DUOX1: variants seen among roughly 807,000 people sequenced by gnomAD.
The protein encoded by DUOX1 is NADPH thyroid oxidase 1.
In DUOX1, 134 loss-of-function variants were observed where a neutral mutation model predicts 181.8. That is an observed-to-expected ratio of 0.74 (90% CI 0.64 to 0.85). The LOEUF (loss-of-function observed/expected upper bound fraction) is 0.85, where lower values mean the gene tolerates loss of function less well. DUOX1 is among the 40% of genes least tolerant of loss of function. The pLI is 0.00. For synonymous variants in DUOX1, 798 were observed against 832.5 expected (o/e 0.96, Z 0.71); for missense variants, 1,814 against 2,064.4 (o/e 0.88, Z 2.35).
At chr15:45,152,132 T>G in intron 24 of DUOX1, 80 bp downstream of exon 24, 1 of 1,536,666 alleles carries the variant, frequency 6.5e-7, no homozygotes, top group Non-Finnish European at 8.8e-7. Context: ...CTGCGATAAG[T>G]GCCAGCCCTG....
Position 45,155,822 on chromosome 15 carries a change from C to T in DUOX1, c.3595C>T (p.Leu1199Phe), listed in dbSNP as rs368057376. The T allele has an allele frequency of 1.2e-6, 2 of 1,613,952 alleles. No individual in the cohort carries two copies. Residue 1199 changes from leucine (L) to phenylalanine (F), a missense_variant, in exon 28 of 34, where the codon CTC (leucine) becomes TTC (phenylalanine). Leu to Phe is a conservative substitution (Grantham distance 22). Around this residue, in one of 5 missense-constraint regions of DUOX1, gnomAD observed 279 missense variants for 381.9 expected, o/e 0.73. Transcript: ENST00000389037. Reference protein sequence around the residue: ...TVPGLTGVVLLLILAIMYVFA... With the variant: ...TVPGLTGVVLFLILAIMYVFA... ...TGCAGGCCTCACGGGGGTTGTGCTG[C>T]TCCTGATCCTGGCCATCATGTATGT...
At chr15:45,131,461 G>A (rs1896143044) in intron 1 of DUOX1, 1 of 164,096 alleles carries the variant, frequency 6.1e-6, no homozygotes, top group African/African-American at 2.4e-5. Context: ...AGGCATATTT[G>A]CTCCCATAGC....
chr15:45,147,923 T>C lies in DUOX1; in HGVS notation c.2568T>C (p.Ser856=). Residue 856 remains serine (S), a synonymous_variant, in exon 20 of 34, where the codon TCT becomes TCC. Coordinates refer to ENST00000389037, the MANE Select transcript of DUOX1 (RefSeq NM_175940.3). ...TCCCAGGCTCTCCTGAGGAAAAGTC[T>C]CGCCTTATGTTCCGCATGTACGACT... The part of the protein sequence containing the change: ...VFMKGSPEEK[S]RLMFRMYDFD... 1.2e-6 allele frequency: 2 copies of C among 1,614,112 alleles called. No homozygotes were observed. Among genetic ancestry groups the C allele is most frequent in the Non-Finnish European group, 1.7e-6 (2 of 1,179,966 alleles).
At position 45,147,615 on chromosome 15, in the gene DUOX1, G is replaced by A; in HGVS notation, c.2505G>A (p.Leu835=). 1.2e-6 allele frequency: 2 copies of A among 1,614,176 alleles called. No individual in the cohort carries two copies. Among genetic ancestry groups the A allele is most frequent in the Non-Finnish European group, 1.7e-6 (2 of 1,180,016 alleles). ...CTGACAAGGATGGCAATGGCTACCT[G>A]TCCTTCCGAGAGTTCCTGGACATCC... is the stretch of plus-strand genomic sequence containing the variant. ...SLADKDGNGY[L]SFREFLDILV... Residue 835 remains leucine, a synonymous_variant, in exon 19 of 34, where the codon CTG becomes CTA. Transcript: ENST00000389037.
chr15:45,148,364 A>T lies in DUOX1; in HGVS notation c.2735A>T (p.Lys912Met). ...TTCCGGGAGTCGGGATTCCAGGACAAGGAGGAACTGACATGGGAAGATTTT... is the reference window on the plus strand; with the variant it reads ...TTCCGGGAGTCGGGATTCCAGGACATGGAGGAACTGACATGGGAAGATTTT... ...SMFRESGFQD[K>M]EELTWEDFHF... The change falls in exon 21 of 34, where the codon AAG (lysine) becomes ATG (methionine). Residue 912 changes from lysine (K) to methionine (M), a missense_variant. Lys to Met is a moderately conservative substitution (Grantham distance 95). Coordinates refer to ENST00000389037, the MANE Select transcript of DUOX1 (RefSeq NM_175940.3). 6.2e-7 allele frequency: 1 copy of T among 1,614,192 alleles called. No individual in the cohort carries two copies. Among genetic ancestry groups the T allele is most frequent in the East Asian group, 2.2e-5 (1 of 44,878 alleles).
rs369974196 is a variant in DUOX1, at chr15:45,148,340, T to C, written c.2711T>C (p.Phe904Ser). 3 of 1,614,074 alleles carry C rather than the reference T, an allele frequency of 1.9e-6. No individual in the cohort carries two copies. In the African/African-American group the frequency reaches 4.0e-5, roughly 22 times the overall value. The change falls in exon 21 of 34, where the codon TTC becomes TCC. Residue 904 changes from phenylalanine to serine, a missense_variant. Around this residue, in one of 5 missense-constraint regions of DUOX1, gnomAD observed 1,064 missense variants for 1,152.9 expected, o/e 0.92. Transcript: ENST00000389037. ...AQLAEVVESM[F>S]RESGFQDKEE... ...CTGGCTGAGGTGGTGGAGTCCATGT[T>C]CCGGGAGTCGGGATTCCAGGACAAG...
In DUOX1 at chr15:45,144,081, T is replaced by C. The variant is rs754314012; in HGVS notation, c.1982T>C (p.Val661Ala). The change falls in exon 17 of 34, where the codon GTG becomes GCG. Residue 661 changes from valine (V) to alanine (A), a missense_variant. This residue lies in a region of DUOX1 where 1,064 missense variants were observed against 1,152.9 expected (regional missense o/e 0.92). Coordinates refer to ENST00000389037, the MANE Select transcript of DUOX1 (RefSeq NM_175940.3). ...GHKEPCRPVLVYLQPGQIRVV... is the reference protein window; with the variant it reads ...GHKEPCRPVLAYLQPGQIRVV... ...AAGGAGCCCTGCCGGCCCGTGCTTG[T>C]GTACCTGCAGCCCGGGCAGATCCGT... The C allele has an allele frequency of 4.2e-5, 68 of 1,614,038 alleles. No homozygotes were observed. Among genetic ancestry groups the C allele is most frequent in the Non-Finnish European group, 5.8e-5 (68 of 1,180,044 alleles).
At chr15:45,143,531 T>C (rs1443811055) in intron 16 of DUOX1, among the ~76,000 whole-genome samples, 2 of 152,186 alleles carry the variant, frequency 1.3e-5, no homozygotes, top group Non-Finnish European at 2.9e-5. Flanking sequence ...TAAGACCCTG[T>C]AGTGATCTTA....
At chr15:45,144,801 C>A in intron 17 of DUOX1, 94 bp from the exon 18 acceptor site, 2 of 1,359,234 alleles carry the variant, frequency 1.5e-6, no homozygotes, top group South Asian at 1.4e-5. Context: ...TTTTTCAAGG[C>A]CACCCCAGTG....
chr15:45,163,745 C>G, intron 32 of DUOX1, 45 bp from the exon 33 acceptor site: 3 of 1,613,622 alleles, frequency 1.9e-6, no homozygotes, highest in Non-Finnish European at 2.5e-6. Flanking sequence ...GGAATTGACC[C>G]TAGCTGTGCC....
In DUOX1 at chr15:45,160,862, T is replaced by C. The variant is rs947229665; in HGVS notation, c.3728T>C (p.Leu1243Pro). The C allele has an allele frequency of 8.7e-6, 14 of 1,611,268 alleles. No homozygotes were observed. In the East Asian group the frequency reaches 2.5e-4, roughly 28 times the overall value. Residue 1243 changes from leucine (L) to proline (P), a missense_variant, in exon 29 of 34, where the codon CTG (leucine) becomes CCG (proline). Coordinates refer to ENST00000389037, the MANE Select transcript of DUOX1 (RefSeq NM_175940.3). ...CTCATCATCCATGGTAGCTTTGCCC[T>C]GATCCAGCTGCCCCGTTTCCACATC... ...VLLIIHGSFA[L>P]IQLPRFHIFF...
At chr15:45,139,320 CT>C (rs1896429284) in intron 11 of DUOX1, 106 bp from the exon 12 acceptor site, 2 of 1,586,620 alleles carry the variant, frequency 1.3e-6, no homozygotes, top group Non-Finnish European at 1.7e-6. Context: ...CTGACCATGG[CT>C]CCTTCTGGCT....
Position 45,135,177 on chromosome 15 carries a change from C to T in DUOX1, c.381C>T (p.Ile127=). 1.9e-6 allele frequency: 3 copies of T among 1,613,888 alleles called. No homozygotes were observed. The highest frequency in any genetic ancestry group is 1.1e-5 in the South Asian group (1 of 91,076). ...GCPAEFLNIR[I]PPGDPMFDPD... ...CCGCCGAGTTCCTCAACATTCGCAT[C>T]CCGCCCGGAGACCCCATGTTCGACC... Residue 127 remains isoleucine, a synonymous_variant, in exon 5 of 34, where the codon ATC becomes ATT. Transcript: ENST00000389037.
intron 25 of DUOX1, 34 bp from the exon 26 acceptor site, chr15:45,153,346 C>T (rs1340833657): frequency 6.3e-7 from 1 of 1,591,490 alleles, no homozygotes; most frequent in South Asian, 1.1e-5. Context: ...CCCTGGGCTG[C>T]CCCAAGCTCA....
In DUOX1 at chr15:45,135,294, G is replaced by T; in HGVS notation, c.495+3G>T. 1 of 1,605,094 alleles carries T rather than the reference G, an allele frequency of 6.2e-7. No homozygotes were observed. The highest frequency in any genetic ancestry group is 8.5e-7 in the Non-Finnish European group (1 of 1,176,354). ...GTCCCAGCAATCCCCGGGACCCGGT[G>T]AGGCGGGGAAGGCGGCGGGAAGGGA... is the stretch of plus-strand genomic sequence containing the variant. On this transcript the variant is annotated splice_donor_region_variant and intron_variant, in intron 5 of 33. Coordinates refer to ENST00000389037, the MANE Select transcript of DUOX1 (RefSeq NM_175940.3).
At chr15:45,143,357 A>G in intron 16 of DUOX1, 54 bp downstream of exon 16, 1 of 1,436,226 alleles carries the variant, frequency 7.0e-7, no homozygotes, top group Middle Eastern at 1.9e-4. Context: ...TCAGCGCTAC[A>G]GCTACCCACC....
intron 25 of DUOX1, chr15:45,152,772 T>C: frequency 3.4e-6 from 2 of 580,074 alleles, no homozygotes; most frequent in Non-Finnish European, 6.2e-6. Context: ...TGAGTGTGCA[T>C]AATGTGTCAA....
intron 28 of DUOX1, among the ~76,000 whole-genome samples, chr15:45,158,700 CAAAAAAAAAAAA>C (rs58522871): frequency 1.9e-4 from 9 of 47,042 alleles, no homozygotes; most frequent in African/African-American, 7.0e-4. Flanking sequence ...ACTTCCATCT[CAAAAAAAAAAAA>C]AAAAAAAAAA....
In DUOX1 at chr15:45,153,520, GTGTGTGTGTGTGTGTGTGTGTGTGTGTA is replaced by G. The variant is rs772682217; in HGVS notation, c.3524+43_3524+70del. The G allele has an allele frequency of 1.2e-3, 1,367 of 1,146,594 alleles. 14 individuals are homozygous for G. The African/African-American group carries it at 0.013, about 11-fold the overall frequency. The allele number at this position is 1,146,594 out of a possible 1,614,324, so 71.0% of individuals were successfully genotyped here. A position where few individuals can be genotyped will look rare whatever the true frequency, so the allele number is the denominator to read the frequency against. The stretch of plus-strand genomic sequence containing the variant: ...TGTGTGTGTGTGTGTGTGTGTGTGT[GTGTGTGTGTGTGTGTGTGTGTGTGTGTA>G]TAATGGGGAGGATTCCTTTTGGGTG... On this transcript the variant is annotated intron_variant, in intron 26 of 33. Transcript: ENST00000389037.
Sources: gnomAD v4.1 joint callset for allele counts (sites outside exome capture counted in the v4.1 genomes callset) on GRCh38, gnomAD v4.1.1 for gene constraint, gnomAD v4.1.1 regional missense constraint, MANE v1.5 for transcripts, NCBI Gene and HGNC (gene_info 2026-07-23, HGNC 2026-07-21) for gene names.